Variants in JAK1 observed in about 807,000 individuals in gnomAD.
The protein encoded by JAK1 is tyrosine-protein kinase JAK1.
JAK1 carries 16 observed loss-of-function variants against 136.6 expected under a neutral mutation model. That is an observed-to-expected ratio of 0.12 (90% CI 0.08 to 0.18). JAK1 has a LOEUF of 0.18. Ranked by LOEUF, JAK1 falls within the 10% of genes least tolerant of loss-of-function variation. JAK1 has a pLI of 1.00. For synonymous variants in JAK1, 492 were observed against 519.5 expected (o/e 0.95, Z 0.72); for missense variants, 859 against 1,450.1 (o/e 0.59, Z 6.62).
At chr1:64,847,174 T>C (rs1048205872) in intron 13 of JAK1, among the ~76,000 whole-genome samples, 1 of 152,232 alleles carries the variant, frequency 6.6e-6, no homozygotes, top group African/African-American at 2.4e-5. Context: ...TTTACTCCTC[T>C]GGGCTTTCGT....
chr1:65,062,076 A>C (rs1469375271), intron 1 of JAK1, among the ~76,000 whole-genome samples: 1 of 152,174 alleles, frequency 6.6e-6, no homozygotes, highest in East Asian at 1.9e-4. Context: ...GGTAACAAAG[A>C]GAAGACTGAG....
At chr1:64,878,977 C>T in intron 4 of JAK1, 48 bp downstream of exon 4, 1 of 1,600,816 alleles carries the variant, frequency 6.2e-7, no homozygotes, top group Non-Finnish European at 8.5e-7. Flanking sequence ...ACCACTGTCC[C>T]TCAGTGCAGA....
At chr1:65,063,072 T>C (rs578481) in intron 1 of JAK1, among the ~76,000 whole-genome samples, 21,320 of 152,232 alleles carry the variant, frequency 0.14, 1,784 homozygotes, top group East Asian at 0.3. Flanking sequence ...CACGTTAGCA[T>C]TGTACTTTTT....
rs772077210 is a variant in JAK1 at position 64,850,767 on chromosome 1, G to A, written c.1755+37C>T. 3.6e-6 allele frequency: 5 copies of A among 1,405,206 alleles called. No homozygotes were observed. In the South Asian group the frequency reaches 5.8e-5, roughly 16 times the overall value. The allele number at this position is 1,405,206 out of a possible 1,614,324, so 87.0% of individuals were successfully genotyped here. On this transcript the variant is annotated intron_variant, in intron 12 of 24. Transcript: ENST00000342505. ...AAGCTGCTCCATCGTGGGGAGGCAG[G>A]ACCACAGCTGGCCCACACCCTGCAG...
intron 1 of JAK1, among the ~76,000 whole-genome samples, chr1:64,928,796 A>AAAAAAAAAAAAAAAAAAAAAAAT (rs58742571): frequency 1.6e-5 from 2 of 125,266 alleles, no homozygotes; most frequent in Non-Finnish European, 1.6e-5. Flanking sequence ...AAAAAAAAAA[A>AAAAAAAAAAAAAAAAAAAAAAAT]CAAAAAAAAA....
chr1:64,917,582 T>C (rs1324583902), intron 1 of JAK1, among the ~76,000 whole-genome samples: 1 of 152,162 alleles, frequency 6.6e-6, no homozygotes, highest in African/African-American at 2.4e-5. Context: ...TAGACTGCAT[T>C]GAGGGTAGAA....
In JAK1 at chr1:65,007,329, C is replaced by T. The variant is rs1646811647; in HGVS notation, c.-78+37151G>A. ...TGTCTTATTCTTGTTCTTTGTCAGG[C>T]AACTTTGGCTGTGTGTCTGGATCCC... On this transcript the variant is annotated intron_variant, in intron 2 of 25. Coordinates refer to the JAK1 transcript ENST00000671954. Among the ~76,000 whole-genome samples the T allele has an allele frequency of 2.6e-5, 4 of 152,302 alleles. No homozygotes were observed. In the South Asian group the frequency reaches 8.3e-4, roughly 32 times the overall value.
chr1:64,961,247 C>T (rs1392448198), intron 1 of JAK1, among the ~76,000 whole-genome samples: 1 of 152,232 alleles, frequency 6.6e-6, no homozygotes, highest in African/African-American at 2.4e-5. Flanking sequence ...AACTTCATGA[C>T]ATCTTGCTTG....
chr1:64,914,453 C>T (rs11805605), intron 1 of JAK1, among the ~76,000 whole-genome samples: 2,451 of 152,212 alleles, frequency 0.016, 68 homozygotes, highest in African/African-American at 0.056. Context: ...CCCAAAACAA[C>T]GAAATAAACA....
chr1:64,930,898 A>C (rs544928079), intron 1 of JAK1, among the ~76,000 whole-genome samples: 10 of 152,204 alleles, frequency 6.6e-5, no homozygotes, highest in African/African-American at 2.4e-4. Flanking sequence ...TAACACAGGA[A>C]CCAAAAACCA....
At chr1:65,048,878 T>C (rs1647215804) in intron 1 of JAK1, among the ~76,000 whole-genome samples, 1 of 152,244 alleles carries the variant, frequency 6.6e-6, no homozygotes, top group Non-Finnish European at 1.5e-5. Context: ...GAAGGGTTTC[T>C]TTCTGCTTTC....
At chr1:64,872,749 T>TA (rs570605646) in intron 5 of JAK1, among the ~76,000 whole-genome samples, 6 of 151,776 alleles carry the variant, frequency 4.0e-5, no homozygotes, top group Non-Finnish European at 5.9e-5. Flanking sequence ...GGACAAACAA[T>TA]AAAAAAAATC....
chr1:64,945,695 CT>C lies in JAK1; in HGVS notation c.-78+20637del, dbSNP rs374023434. Among the ~76,000 whole-genome samples, 128 of 151,862 alleles carry C rather than the reference CT, an allele frequency of 8.4e-4. 3 individuals carry two copies. In the East Asian group the frequency reaches 0.018, roughly 21 times the overall value. ...CGGACAAACAAAAATGGGAGCAAAC[CT>C]TCTCAATTTGTACCCTGTTATACTG... is the stretch of plus-strand genomic sequence containing the variant. On this transcript the variant is annotated intron_variant, in intron 1 of 24. Transcript: ENST00000342505.
At chr1:64,917,053 G>A (rs1645409919) in intron 1 of JAK1, among the ~76,000 whole-genome samples, 1 of 152,090 alleles carries the variant, frequency 6.6e-6, no homozygotes, top group Non-Finnish European at 1.5e-5. Context: ...AGGTTGGAAA[G>A]GCCCATCAAA....
chr1:64,925,387 ACT>A (rs1456560406), intron 1 of JAK1, among the ~76,000 whole-genome samples: 1 of 151,760 alleles, frequency 6.6e-6, no homozygotes, highest in Non-Finnish European at 1.5e-5. Flanking sequence ...CAAGAGGGAA[ACT>A]CTGTCTCAAA....
Position 64,839,096 on chromosome 1 carries a change from A to G in JAK1, c.2842+507T>C, listed in dbSNP as rs1478623883. ...GGGAGGCGGAGCTTGCAGTGAGCCG[A>G]GATTGCGCCACTGCAGTCCAGCCTG... On this transcript the variant is annotated intron_variant, in intron 20 of 24. Coordinates refer to ENST00000342505, the MANE Select transcript of JAK1 (RefSeq NM_002227.4). 3.6e-4 allele frequency among the ~76,000 whole-genome samples: 49 copies of G among 135,994 alleles called. 1 individual carries two copies. The highest frequency in any genetic ancestry group is 1.3e-3 in the African/African-American group (45 of 35,422). The allele number at this position is 135,994 out of a possible 152,430, so 89.2% of individuals were successfully genotyped here.
At chr1:64,881,099 A>G (rs952630496) in intron 3 of JAK1, among the ~76,000 whole-genome samples, 1 of 151,854 alleles carries the variant, frequency 6.6e-6, no homozygotes, top group Non-Finnish European at 1.5e-5. Flanking sequence ...CAAGACCTCC[A>G]TAAATAATAA....
intron 4 of JAK1, among the ~76,000 whole-genome samples, chr1:64,875,631 C>A (rs1657355201): frequency 1.3e-5 from 2 of 152,214 alleles, no homozygotes. Flanking sequence ...TTCTATACAG[C>A]CCATCTTCCT....
chr1:64,921,341 A>G (rs761650780), intron 1 of JAK1, among the ~76,000 whole-genome samples: 18 of 152,002 alleles, frequency 1.2e-4, no homozygotes, highest in Non-Finnish European at 2.4e-4. Context: ...CAAAAATATG[A>G]CTCCCTCGCC....
Sources: gnomAD v4.1 joint callset for allele counts (sites outside exome capture counted in the v4.1 genomes callset) on GRCh38, gnomAD v4.1.1 for gene constraint, MANE v1.5 for transcripts, NCBI Gene and HGNC (gene_info 2026-07-23, HGNC 2026-07-21) for gene names.